The following MANBA variants were observed in gnomAD, a reference collection of about 807,000 sequenced individuals.
MANBA encodes the protein beta-mannosidase.
A neutral mutation model predicts 111.1 loss-of-function variants in MANBA; 83 were observed. The observed-to-expected ratio is 0.75, with a 90% CI of 0.63 to 0.90. MANBA has a LOEUF of 0.90. MANBA is among the 40% of genes least tolerant of loss of function. MANBA has a pLI of 0.00. For synonymous variants in MANBA, 370 were observed against 378.7 expected (o/e 0.98, Z 0.27); for missense variants, 1,036 against 1,069.0 (o/e 0.97, Z 0.43).
chr4:102,679,760 A>T (rs1301079252), intron 7 of MANBA: 1 of 152,176 alleles, frequency 6.6e-6, no homozygotes, highest in African/African-American at 2.4e-5. Context: ...GTTCTTCCAG[A>T]TGAGGCCAGA....
At chr4:102,753,324 T>G (rs1347903750) in intron 1 of MANBA, among the ~76,000 whole-genome samples, 1 of 152,106 alleles carries the variant, frequency 6.6e-6, no homozygotes, top group East Asian at 1.9e-4. Flanking sequence ...GTTTTATTGG[T>G]TTTTCTTCCT....
In MANBA at chr4:102,749,591, T is replaced by C. The variant is rs1475741411; in HGVS notation, c.177+11127A>G. On this transcript the variant is annotated intron_variant, in intron 1 of 16. Coordinates refer to ENST00000647097, the MANE Select transcript of MANBA (RefSeq NM_005908.4). ...TTACTGTTTCTGCCAATAGGCAGCG[T>C]GCAATGGTGAAAAGAACATCGGGGT... is the stretch of plus-strand genomic sequence containing the variant. Among the ~76,000 whole-genome samples the C allele has an allele frequency of 2.6e-5, 4 of 152,208 alleles. No individual in the cohort carries two copies. The East Asian group carries it at 7.7e-4, about 29-fold the overall frequency.
At chr4:102,709,486 C>G (rs922625732) in intron 5 of MANBA, among the ~76,000 whole-genome samples, 11 of 151,890 alleles carry the variant, frequency 7.2e-5, no homozygotes, top group Admixed American at 1.3e-4. Context: ...TAATAAGTAG[C>G]AAGACTGAAT....
intron 5 of MANBA, among the ~76,000 whole-genome samples, chr4:102,702,735 A>G (rs1402095099): frequency 6.6e-6 from 1 of 152,134 alleles, no homozygotes; most frequent in Non-Finnish European, 1.5e-5. Context: ...TTAATTTTTA[A>G]ATGTTTAATA....
chr4:102,635,813 G>A (rs1729599066), intron 15 of MANBA, 52 bp downstream of exon 15: 9 of 1,545,866 alleles, frequency 5.8e-6, no homozygotes, highest in African/African-American at 4.1e-5. Flanking sequence ...AACAACTAAA[G>A]AAATCATCTA....
intron 9 of MANBA, among the ~76,000 whole-genome samples, chr4:102,669,794 CACG>C (rs1291835385): frequency 2.0e-5 from 3 of 152,086 alleles, no homozygotes; most frequent in African/African-American, 7.2e-5. Flanking sequence ...TCCTGGCTAA[CACG>C]GTGAAACCCC....
chr4:102,740,236 C>A (rs1356388975), intron 1 of MANBA, among the ~76,000 whole-genome samples: 2 of 152,078 alleles, frequency 1.3e-5, no homozygotes, highest in Admixed American at 6.6e-5. Context: ...TATACCTAAC[C>A]AAGGACATGA....
intron 7 of MANBA, among the ~76,000 whole-genome samples, chr4:102,674,499 T>C (rs904896020): frequency 2.0e-5 from 3 of 152,236 alleles, no homozygotes; most frequent in African/African-American, 7.2e-5. Flanking sequence ...ATGTTATAAC[T>C]TAACAACTTT....
At chr4:102,709,303 G>A (rs1367247721) in intron 5 of MANBA, among the ~76,000 whole-genome samples, 1 of 123,846 alleles carries the variant, frequency 8.1e-6, no homozygotes, top group African/African-American at 3.9e-5. Context: ...AGGAAGGAAG[G>A]AAGGAAGGAA....
chr4:102,704,802 C>G (rs71597128), intron 5 of MANBA, among the ~76,000 whole-genome samples: 1 of 152,046 alleles, frequency 6.6e-6, no homozygotes, highest in African/African-American at 2.4e-5. Flanking sequence ...AGCTTACACT[C>G]TAATTTTATT....
At chr4:102,710,072 C>T (rs1176496301) in intron 5 of MANBA, among the ~76,000 whole-genome samples, 1 of 152,072 alleles carries the variant, frequency 6.6e-6, no homozygotes, top group Admixed American at 6.6e-5. Context: ...TGAGGAGGAG[C>T]TGAAAGTCTT....
In MANBA at chr4:102,671,349, G is replaced by A. The variant is rs372595221; in HGVS notation, c.1162C>T (p.Arg388Trp). 35 of 1,608,932 alleles carry A rather than the reference G, an allele frequency of 2.2e-5. No homozygotes were observed. Among genetic ancestry groups the A allele is most frequent in the African/African-American group, 4.0e-5 (3 of 74,666 alleles). ...SVVDANMNTL[R>W]VWGGGIYEQD... ...TCATAAATTCCTCCTCCCCAAACCC[G>A]AAGAGTATTCATATTAGCATCCACA... is the stretch of plus-strand genomic sequence containing the variant. The change falls in exon 9 of 17, where the codon CGG becomes TGG. Residue 388 changes from arginine to tryptophan, a missense_variant. Arg to Trp is a moderately radical substitution (Grantham distance 101). Coordinates refer to ENST00000647097, the MANE Select transcript of MANBA (RefSeq NM_005908.4).
chr4:102,639,899 T>C (rs1247978322), intron 13 of MANBA, 42 bp from the exon 14 acceptor site: 1 of 1,608,350 alleles, frequency 6.2e-7, no homozygotes, highest in Admixed American at 1.7e-5. Context: ...TATTGTTTGA[T>C]GTAGACTGCC....
intron 5 of MANBA, among the ~76,000 whole-genome samples, chr4:102,697,268 GATGA>G (rs1231434641): frequency 6.6e-6 from 1 of 152,028 alleles, no homozygotes; most frequent in Non-Finnish European, 1.5e-5. Flanking sequence ...ATAATTTAAA[GATGA>G]ATGAAAAATT....
chr4:102,747,958 C>A (rs1252731178), intron 1 of MANBA, among the ~76,000 whole-genome samples: 2 of 152,150 alleles, frequency 1.3e-5, no homozygotes, highest in African/African-American at 4.8e-5. Flanking sequence ...GTTCCCAGGA[C>A]TGGACCTCAT....
At chr4:102,737,171 G>A (rs955212132) in intron 1 of MANBA, among the ~76,000 whole-genome samples, 22 of 152,252 alleles carry the variant, frequency 1.4e-4, no homozygotes, top group African/African-American at 4.3e-4. Flanking sequence ...GGAAGCTCCC[G>A]GCTGAACTTT....
intron 5 of MANBA, among the ~76,000 whole-genome samples, chr4:102,697,417 A>C (rs1368810573): frequency 6.6e-6 from 1 of 152,020 alleles, no homozygotes; most frequent in Non-Finnish European, 1.5e-5. Flanking sequence ...CAGGTTAGTT[A>C]CATATGTATA....
At chr4:102,731,023 C>G (rs1560803542) in intron 1 of MANBA, among the ~76,000 whole-genome samples, 1 of 152,226 alleles carries the variant, frequency 6.6e-6, no homozygotes, top group East Asian at 1.9e-4. Context: ...TGGGTCAGCT[C>G]AAACTGTGCA....
chr4:102,677,604 T>G (rs1167081791), intron 7 of MANBA, among the ~76,000 whole-genome samples: 1 of 152,164 alleles, frequency 6.6e-6, no homozygotes, highest in African/African-American at 2.4e-5. Context: ...AAAAGAAAAC[T>G]ATCATTGGTT....
Sources: allele counts gnomAD v4.1 joint callset (sites outside exome capture counted in the v4.1 genomes callset), GRCh38; gene constraint gnomAD v4.1.1; transcripts MANE v1.5; gene names NCBI Gene and HGNC (gene_info 2026-07-23, HGNC 2026-07-21).